The following OPCML variants were observed in gnomAD, a reference collection of about 807,000 sequenced individuals.
OPCML encodes opioid binding protein/cell adhesion molecule like, also known as opioid-binding protein/cell adhesion molecule.
A neutral mutation model predicts 37.8 loss-of-function variants in OPCML; 13 were observed. The ratio of observed to expected loss-of-function variants is 0.34; its 90% confidence interval spans 0.22 to 0.55. The LOEUF is 0.55. OPCML is among the 20% of genes least tolerant of loss of function. OPCML has a pLI of 0.91. For synonymous variants in OPCML, 176 were observed against 168.8 expected, an observed-to-expected ratio of 1.04 and a Z score of -0.33; for missense variants, 341 against 435.6, an observed-to-expected ratio of 0.78 and a Z score of 1.93.
At chr11:133,368,049 C>T (rs937756153) in intron 1 of OPCML, among the ~76,000 whole-genome samples, 2 of 152,182 alleles carry the variant, frequency 1.3e-5, no homozygotes, top group Non-Finnish European at 2.9e-5. Context: ...CTTAGGCAGT[C>T]CTTGGAGGAA....
At chr11:132,999,169 C>T (rs966406974) in intron 1 of OPCML, among the ~76,000 whole-genome samples, 18 of 152,184 alleles carry the variant, frequency 1.2e-4, no homozygotes, top group African/African-American at 4.3e-4. Context: ...GAGCTCTTCT[C>T]AGCTCATCAT....
At position 133,174,962 on chromosome 11, in the gene OPCML, G is replaced by A. The variant is rs1950346077; in HGVS notation, c.62-231952C>T. Among the ~76,000 whole-genome samples the A allele has an allele frequency of 6.6e-6, 1 of 152,186 alleles. No homozygotes were observed. On this transcript the variant is annotated intron_variant, in intron 1 of 7. Coordinates refer to ENST00000524381, the MANE Select transcript of OPCML (RefSeq NM_001012393.5). This position sits in a 1 kb window ranked among gnomAD's most constrained non-coding sequence, Gnocchi z 4.6. Reference sequence around the variant, plus strand: ...TACAAAAAATTTTTAAAAAGTAACTGTACATGGTGTTGCACACCTATAGTT... The same window carrying A: ...TACAAAAAATTTTTAAAAAGTAACTATACATGGTGTTGCACACCTATAGTT...
chr11:133,427,059 A>AAT (rs1050265088), intron 1 of OPCML, among the ~76,000 whole-genome samples: 2 of 152,186 alleles, frequency 1.3e-5, no homozygotes, highest in African/African-American at 2.4e-5. Flanking sequence ...AACATCCTCA[A>AAT]ATATAAGATA....
rs1311206341 is a variant in OPCML at position 133,417,262 on chromosome 11, C to T, written c.61+115002G>A. ...GATTCATAGAAGTGCAGGTCAAAACCTGGTGCTGCAATTGGCATGTGTGAA... is the reference window on the plus strand; with the variant it reads ...GATTCATAGAAGTGCAGGTCAAAACTTGGTGCTGCAATTGGCATGTGTGAA... On this transcript the variant is annotated intron_variant, in intron 1 of 7. Transcript: ENST00000524381. Among the ~76,000 whole-genome samples the T allele has an allele frequency of 2.6e-5, 4 of 152,176 alleles. No individual in the cohort carries two copies. The South Asian group carries it at 8.3e-4, about 32-fold the overall frequency.
chr11:133,038,442 T>C (rs145669296), intron 1 of OPCML, among the ~76,000 whole-genome samples: 2 of 152,362 alleles, frequency 1.3e-5, no homozygotes, highest in East Asian at 3.9e-4. Context: ...ACATGGGCTA[T>C]GACTATCAGG....
intron 3 of OPCML, among the ~76,000 whole-genome samples, chr11:132,593,781 C>T (rs1339603392): frequency 6.6e-6 from 1 of 152,068 alleles, no homozygotes; most frequent in African/African-American, 2.4e-5. Flanking sequence ...TTAATGGTTA[C>T]AACAAGCAAT....
intron 7 of OPCML, among the ~76,000 whole-genome samples, chr11:132,428,920 A>G (rs1420105296): frequency 6.6e-6 from 1 of 152,162 alleles, no homozygotes; most frequent in East Asian, 1.9e-4. Context: ...CTGTCTATTT[A>G]CTTGTTTGTG....
intron 3 of OPCML, among the ~76,000 whole-genome samples, chr11:132,565,251 T>C (rs549032835): frequency 3.3e-5 from 5 of 152,160 alleles, no homozygotes; most frequent in Non-Finnish European, 7.4e-5. Flanking sequence ...ATATGGCCAA[T>C]ATTTCCAAAC....
intron 1 of OPCML, among the ~76,000 whole-genome samples, chr11:133,143,937 A>G (rs1232942197): frequency 2.0e-5 from 3 of 152,184 alleles, no homozygotes; most frequent in Non-Finnish European, 4.4e-5. Context: ...GGCTCTTGAG[A>G]TGCTACTCTG....
At chr11:133,191,648 C>G (rs949921429) in intron 1 of OPCML, among the ~76,000 whole-genome samples, 1 of 152,036 alleles carries the variant, frequency 6.6e-6, no homozygotes, top group East Asian at 1.9e-4. Flanking sequence ...CACCCACCAC[C>G]ATGTCCGGCT....
intron 2 of OPCML, among the ~76,000 whole-genome samples, chr11:132,909,103 G>C (rs535405444): frequency 6.6e-6 from 1 of 152,214 alleles, no homozygotes; most frequent in African/African-American, 2.4e-5. Flanking sequence ...TGAAAGCGAG[G>C]AGCAGCTTCA....
rs964169891 is a variant in OPCML at position 132,480,135 on chromosome 11, A to C, written c.506-42776T>G. The stretch of plus-strand genomic sequence containing the variant: ...GAAAACTTTGAAAAAAATTTAGAAG[A>C]ATGTATAACTAGAATAACCAATACA... On this transcript the variant is annotated intron_variant, in intron 4 of 7. Coordinates refer to ENST00000524381, the MANE Select transcript of OPCML (RefSeq NM_001012393.5). 1.1e-4 allele frequency among the ~76,000 whole-genome samples: 17 copies of C among 152,282 alleles called. No individual in the cohort carries two copies. In the South Asian group the frequency reaches 1.2e-3, roughly 11 times the overall value.
intron 1 of OPCML, among the ~76,000 whole-genome samples, chr11:133,094,452 T>C (rs972848587): frequency 4.6e-5 from 7 of 152,276 alleles, no homozygotes; most frequent in Non-Finnish European, 8.8e-5. Context: ...TCCAGTTGCT[T>C]TGCAAATCAT....
chr11:133,339,282 G>A (rs1266668595), intron 1 of OPCML, among the ~76,000 whole-genome samples: 1 of 152,074 alleles, frequency 6.6e-6, no homozygotes, highest in Non-Finnish European at 1.5e-5. Context: ...TCTGAATTAG[G>A]TGTTATTACC....
chr11:132,927,224 C>A (rs1261886631), intron 2 of OPCML, among the ~76,000 whole-genome samples: 5 of 151,726 alleles, frequency 3.3e-5, no homozygotes, highest in Non-Finnish European at 7.4e-5. Flanking sequence ...TAGGATAAAC[C>A]CAAGGATACC....
chr11:132,743,905 G>C (rs942343664), intron 2 of OPCML, among the ~76,000 whole-genome samples: 3 of 152,170 alleles, frequency 2.0e-5, no homozygotes, highest in Admixed American at 1.3e-4. Context: ...CATTCTAGCA[G>C]ACAAGACAGC....
intron 3 of OPCML, among the ~76,000 whole-genome samples, chr11:132,601,377 T>A (rs1179465106): frequency 1.3e-5 from 2 of 152,136 alleles, no homozygotes; most frequent in Non-Finnish European, 2.9e-5. Flanking sequence ...TAACCATGTA[T>A]CTCAGATTCT....
intron 1 of OPCML, among the ~76,000 whole-genome samples, chr11:133,375,648 C>T (rs921885421): frequency 6.6e-6 from 1 of 152,080 alleles, no homozygotes; most frequent in Non-Finnish European, 1.5e-5. Context: ...TCTGCCTTCT[C>T]CTTGTACTTA....
chr11:133,225,167 G>T (rs1194995836), intron 1 of OPCML, among the ~76,000 whole-genome samples: 1 of 152,176 alleles, frequency 6.6e-6, no homozygotes, highest in African/African-American at 2.4e-5. Context: ...TATTTATTTG[G>T]CAATCAGGCA....
Sources: gnomAD v4.1 joint callset for allele counts (sites outside exome capture counted in the v4.1 genomes callset) on GRCh38, gnomAD v4.1.1 for gene constraint, Gnocchi (gnomAD v3.1) non-coding constraint, MANE v1.5 for transcripts, NCBI Gene and HGNC (gene_info 2026-07-23, HGNC 2026-07-21) for gene names.